Variants in MACROD2 observed in about 807,000 individuals in gnomAD.
MACROD2 encodes the protein ADP-ribose glycohydrolase MACROD2.
A neutral mutation model predicts 70.4 loss-of-function variants in MACROD2; 36 were observed. The ratio of observed to expected loss-of-function variants is 0.51; its 90% CI spans 0.39 to 0.68. The LOEUF is 0.68. Among genes scored for constraint, MACROD2 ranks in the 30% least tolerant of loss-of-function variants. MACROD2 has a pLI of 0.00. For missense variants in MACROD2, 496 were observed against 538.4 expected (o/e 0.92, Z 0.78); for synonymous variants, 172 against 178.8 (o/e 0.96, Z 0.30).
chr20:16,049,891 G>A lies in MACROD2; in HGVS notation c.*15G>A, dbSNP rs751796677. ...GAACTAAATGACAATCCTCAGCATC[G>A]CAAGGCCTCTCCTGGCTCTGGGGGA... On this transcript the variant is annotated 3_prime_UTR_variant, in exon 18 of 18. Coordinates refer to ENST00000684519, the MANE Select transcript of MACROD2 (RefSeq NM_001351661.2). 7.1e-6 allele frequency: 11 copies of A among 1,556,730 alleles called. No homozygotes were observed. Among genetic ancestry groups the A allele is most frequent in the Admixed American group, 6.9e-5 (4 of 57,592 alleles).
At chr20:14,803,886 T>C (rs2072607648) in intron 5 of MACROD2, among the ~76,000 whole-genome samples, 1 of 152,106 alleles carries the variant, frequency 6.6e-6, no homozygotes, top group African/African-American at 2.4e-5. Context: ...GCTTCAGTAT[T>C]ATTCTTTAAT....
intron 4 of MACROD2, among the ~76,000 whole-genome samples, chr20:14,532,216 ATCT>A (rs2085314371): frequency 6.9e-6 from 1 of 144,434 alleles, no homozygotes; most frequent in Non-Finnish European, 1.5e-5. Flanking sequence ...TGTATAACTA[ATCT>A]TTTTTTTTTT....
intron 3 of MACROD2, among the ~76,000 whole-genome samples, chr20:14,445,099 AGTG>A (rs1200669231): frequency 1.3e-5 from 2 of 152,062 alleles, no homozygotes; most frequent in African/African-American, 4.8e-5. Flanking sequence ...AAAACCCTTC[AGTG>A]GCTTTCCTTT....
chr20:14,940,307 C>T (rs190963282), intron 5 of MACROD2, among the ~76,000 whole-genome samples: 3 of 152,252 alleles, frequency 2.0e-5, no homozygotes, highest in Admixed American at 2.0e-4. Context: ...GCACTACTGC[C>T]TGAGCAACAG....
chr20:14,782,032 T>G (rs1411858711), intron 5 of MACROD2, among the ~76,000 whole-genome samples: 1 of 151,964 alleles, frequency 6.6e-6, no homozygotes, highest in Non-Finnish European at 1.5e-5. Flanking sequence ...CAAGTGATCC[T>G]CCCACCTCAG....
At chr20:14,045,324 C>A (rs941167216) in intron 2 of MACROD2, among the ~76,000 whole-genome samples, 2 of 152,246 alleles carry the variant, frequency 1.3e-5, no homozygotes, top group Admixed American at 1.3e-4. Context: ...GCTGCCAGGG[C>A]TGCCAGCATG....
chr20:14,963,945 C>G (rs1198482009), intron 5 of MACROD2, among the ~76,000 whole-genome samples: 1 of 152,106 alleles, frequency 6.6e-6, no homozygotes, highest in Non-Finnish European at 1.5e-5. Flanking sequence ...ATATTTACAG[C>G]AATAAATTAC....
intron 5 of MACROD2, among the ~76,000 whole-genome samples, chr20:14,970,199 A>G (rs1003249389): frequency 2.6e-5 from 4 of 152,070 alleles, no homozygotes; most frequent in Non-Finnish European, 2.9e-5. Context: ...TTATACAACC[A>G]TCACCCCCAT....
chr20:14,468,538 C>T (rs13043921), intron 3 of MACROD2, among the ~76,000 whole-genome samples: 3 of 146,690 alleles, frequency 2.0e-5, no homozygotes, highest in Non-Finnish European at 4.5e-5. Context: ...TTGGGGGCAC[C>T]GTCTCACTCT....
At chr20:15,973,177 T>G (rs1601246124) in intron 13 of MACROD2, among the ~76,000 whole-genome samples, 1 of 152,156 alleles carries the variant, frequency 6.6e-6, no homozygotes, top group East Asian at 1.9e-4. Context: ...TTTGGTTATT[T>G]AATTGATATC....
intron 5 of MACROD2, among the ~76,000 whole-genome samples, chr20:15,104,719 G>A (rs17272434): frequency 0.21 from 31,614 of 151,870 alleles, 4,562 homozygotes; most frequent in Non-Finnish European, 0.31. Flanking sequence ...CTGCTATTAC[G>A]CTCTAATCTC....
intron 6 of MACROD2, among the ~76,000 whole-genome samples, chr20:15,394,903 G>A (rs918784238): frequency 6.6e-6 from 1 of 152,298 alleles, no homozygotes; most frequent in Admixed American, 6.5e-5. Flanking sequence ...TGTAGCATAG[G>A]TGCTAGTCCC....
rs374751306 is a variant in MACROD2 at position 14,301,178 on chromosome 20, A to T, written c.272-192301A>T. On this transcript the variant is annotated intron_variant, in intron 3 of 17. Transcript: ENST00000684519. The stretch of plus-strand genomic sequence containing the variant: ...TGGTAGACTTAGGAGTTACTCAGGA[A>T]GGCTAATTCTAGAACCCACACATTT... Among the ~76,000 whole-genome samples the T allele has an allele frequency of 1.6e-4, 25 of 152,320 alleles. 1 individual carries two copies. In the East Asian group the frequency reaches 3.5e-3, roughly 21 times the overall value.
At chr20:15,460,992 A>AT (rs1229585489) in intron 7 of MACROD2, among the ~76,000 whole-genome samples, 4 of 80,232 alleles carry the variant, frequency 5.0e-5, no homozygotes, top group African/African-American at 2.0e-4. Flanking sequence ...ATATATATAT[A>AT]TATATATATA....
chr20:14,662,147 A>G (rs1270944217), intron 4 of MACROD2, among the ~76,000 whole-genome samples: 1 of 152,164 alleles, frequency 6.6e-6, no homozygotes, highest in African/African-American at 2.4e-5. Flanking sequence ...AACTGTACCA[A>G]CATCCGTGGA....
At chr20:14,136,684 C>T (rs1167851340) in intron 3 of MACROD2, among the ~76,000 whole-genome samples, 2 of 152,094 alleles carry the variant, frequency 1.3e-5, no homozygotes. Context: ...GTTTTAGAAC[C>T]ATTGATGTAA....
At chr20:15,513,674 C>G (rs553923091) in intron 8 of MACROD2, among the ~76,000 whole-genome samples, 1 of 152,152 alleles carries the variant, frequency 6.6e-6, no homozygotes, top group Non-Finnish European at 1.5e-5. Context: ...TCCAAGAGAC[C>G]TCATTTTGAG....
intron 5 of MACROD2, among the ~76,000 whole-genome samples, chr20:14,694,807 G>C (rs1442264225): frequency 6.6e-6 from 1 of 152,112 alleles, no homozygotes; most frequent in Non-Finnish European, 1.5e-5. Flanking sequence ...CCAGTATCTT[G>C]ACCTCAGAGA....
At chr20:15,541,181 C>T (rs1024854773) in intron 8 of MACROD2, among the ~76,000 whole-genome samples, 1 of 152,162 alleles carries the variant, frequency 6.6e-6, no homozygotes, top group African/African-American at 2.4e-5. Context: ...ACTAAGGGTT[C>T]ATGCAAATAG....
Sources: allele counts gnomAD v4.1 joint callset (sites outside exome capture counted in the v4.1 genomes callset), GRCh38; gene constraint gnomAD v4.1.1; transcripts MANE v1.5; gene names NCBI Gene and HGNC (gene_info 2026-07-23, HGNC 2026-07-21).